Variants in ZNF483 observed in about 807,000 individuals in gnomAD.
ZNF483 encodes the protein zinc finger protein HIT-10.
A neutral mutation model predicts 28.6 loss-of-function variants in ZNF483; 9 were observed. That is an observed-to-expected ratio of 0.32 (90% CI 0.19 to 0.55). The LOEUF (loss-of-function observed/expected upper bound fraction) is 0.55. Ranked by LOEUF, ZNF483 falls within the 20% of genes least tolerant of loss-of-function variation. The pLI is 0.93. For synonymous variants in ZNF483, 322 were observed against 306.2 expected, an observed-to-expected ratio of 1.05 and a Z score of -0.54; for missense variants, 675 against 871.7, an observed-to-expected ratio of 0.77 and a Z score of 2.84.
At chr9:111,560,282 C>T (rs1219481565), downstream of ZNF483, among the ~76,000 whole-genome samples, 1 of 151,638 alleles carries the variant, frequency 6.6e-6, no homozygotes, top group Non-Finnish European at 1.5e-5. Context: ...AGATCGAGAC[C>T]ATCCTGGCCA....
chr9:111,544,277 C>T lies in ZNF483; in HGVS notation c.*1107C>T, dbSNP rs143270780. 4.8e-5 allele frequency: 47 copies of T among 985,096 alleles called. No homozygotes were observed. In the African/African-American group the frequency reaches 7.5e-4, roughly 16 times the overall value. 61.0% of individuals were successfully genotyped at this position (985,096 alleles called of 1,614,324 possible). On this transcript the variant is annotated 3_prime_UTR_variant, in exon 6 of 6. Transcript: ENST00000309235. ...TGCCTGTAGCAAGTACATTTTTTTGCAATTGGAGTGTAAACATTCTGTGTG... is the reference window on the plus strand; with the variant it reads ...TGCCTGTAGCAAGTACATTTTTTTGTAATTGGAGTGTAAACATTCTGTGTG...
intron 5 of ZNF483, among the ~76,000 whole-genome samples, chr9:111,561,521 CA>C (rs1252132593): frequency 1.3e-5 from 2 of 152,172 alleles, no homozygotes; most frequent in African/African-American, 4.8e-5. Flanking sequence ...CTTAGCCTCC[CA>C]AAGAGCTGGG....
At chr9:111,571,552 C>T (rs1417799046) in intron 5 of ZNF483, among the ~76,000 whole-genome samples, 2 of 133,316 alleles carry the variant, frequency 1.5e-5, no homozygotes, top group East Asian at 3.3e-4. Flanking sequence ...CATCACTGCT[C>T]AATGCAGCCT....
intron 5 of ZNF483, among the ~76,000 whole-genome samples, chr9:111,537,433 G>A (rs944050314): frequency 1.3e-5 from 2 of 151,886 alleles, no homozygotes; most frequent in Non-Finnish European, 2.9e-5. Flanking sequence ...TGTTGATCTC[G>A]AGCTCCTGAC....
chr9:111,570,512 T>C (rs1438154435), intron 5 of ZNF483, among the ~76,000 whole-genome samples: 2 of 152,038 alleles, frequency 1.3e-5, no homozygotes, highest in Non-Finnish European at 2.9e-5. Flanking sequence ...GGCTCACACC[T>C]GTAATCCCAG....
chr9:111,560,058 G>A (rs771543766), downstream of ZNF483, among the ~76,000 whole-genome samples: 1 of 151,968 alleles, frequency 6.6e-6, no homozygotes, highest in Admixed American at 6.6e-5. Flanking sequence ...TCTTCTGGCC[G>A]GGCATGGTGG....
In ZNF483 at chr9:111,544,225, T is replaced by TG; in HGVS notation, c.*1056dup. The TG allele has an allele frequency of 2.0e-6, 2 of 985,428 alleles. No individual in the cohort carries two copies. The highest frequency in any genetic ancestry group is 2.4e-6 in the Non-Finnish European group (2 of 829,946). The allele number at this position is 985,428 out of a possible 1,614,324, so 61.0% of individuals were successfully genotyped here. A position where few individuals can be genotyped will look rare whatever the true frequency, so the allele number is the denominator to read the frequency against. ...GAGCTATTCTGGATGGATTTTGGTT[T>TG]GCAAAAATTCTACTTTAAAACAATT... On this transcript the variant is annotated 3_prime_UTR_variant, in exon 6 of 6. Transcript: ENST00000309235.
At chr9:111,565,945 C>T (rs1257126428) in intron 5 of ZNF483, among the ~76,000 whole-genome samples, 1 of 152,144 alleles carries the variant, frequency 6.6e-6, no homozygotes, top group Admixed American at 6.5e-5. Context: ...GGCGCGGTGG[C>T]TCACACGTAT....
At chr9:111,535,322 A>C (rs1295000584) in intron 5 of ZNF483, among the ~76,000 whole-genome samples, 1 of 152,260 alleles carries the variant, frequency 6.6e-6, no homozygotes, top group Non-Finnish European at 1.5e-5. Context: ...AAGCACATGT[A>C]TAAGGAGCTG....
intron 2 of ZNF483, among the ~76,000 whole-genome samples, chr9:111,530,040 G>C (rs540321710): frequency 6.6e-6 from 1 of 152,284 alleles, no homozygotes; most frequent in Admixed American, 6.5e-5. Flanking sequence ...AAAGTCCTTA[G>C]ATAACCCTGG....
chr9:111,557,315 A>C (rs1828152646), downstream of ZNF483, among the ~76,000 whole-genome samples: 1 of 151,872 alleles, frequency 6.6e-6, no homozygotes, highest in African/African-American at 2.4e-5. Context: ...CAGAGGTTGC[A>C]GTGAGCCGAG....
intron 5 of ZNF483, chr9:111,574,627 A>G: frequency 1.4e-6 from 1 of 721,954 alleles, no homozygotes; most frequent in Admixed American, 2.9e-5. Context: ...AAAAGAATAT[A>G]TGAAAATCTT....
Position 111,546,394 on chromosome 9 carries a change from G to A in ZNF483, c.*3224G>A, listed in dbSNP as rs1030013974. Among the ~76,000 whole-genome samples the A allele has an allele frequency of 3.3e-5, 5 of 152,154 alleles. No homozygotes were observed. The highest frequency in any genetic ancestry group is 3.2e-3 in the Middle Eastern group (1 of 316). The stretch of plus-strand genomic sequence containing the variant: ...AGTCTTGATTTCAGTAGTTAAGTCT[G>A]TATAATTGCCTGCAGGACATTCAGT... On this transcript the variant is annotated 3_prime_UTR_variant, in exon 6 of 6. Transcript: ENST00000309235.
At position 111,554,565 on chromosome 9, in the gene ZNF483, G is replaced by GTT. The variant is rs558612062; in HGVS notation, c.*11398_*11399dup. On this transcript the variant is annotated 3_prime_UTR_variant, in exon 6 of 6. Transcript: ENST00000309235. ...TAGTACCAAACCCTGTATGTTCTAT[G>GTT]TTTTGTCAGTCTGATAACCCAAGAA... 1.7e-3 allele frequency among the ~76,000 whole-genome samples: 262 copies of GTT among 152,258 alleles called. No individual in the cohort carries two copies. The highest frequency in any genetic ancestry group is 6.0e-3 in the African/African-American group (250 of 41,542).
chr9:111,528,137 G>A, intron 2 of ZNF483: 3 of 1,027,828 alleles, frequency 2.9e-6, no homozygotes, highest in South Asian at 3.7e-5. Flanking sequence ...ATCTGTGAAA[G>A]TGTTTGGAGT....
At chr9:111,530,124 C>G (rs545790248) in intron 2 of ZNF483, among the ~76,000 whole-genome samples, 2 of 152,158 alleles carry the variant, frequency 1.3e-5, no homozygotes, top group East Asian at 3.9e-4. Flanking sequence ...CTCCACCCCC[C>G]AACCTGTCAA....
chr9:111,569,553 G>A (rs1020037600), intron 5 of ZNF483, among the ~76,000 whole-genome samples: 15 of 152,054 alleles, frequency 9.9e-5, no homozygotes, highest in Non-Finnish European at 1.9e-4. Context: ...TGAGGCGGGC[G>A]CATCACTTGA....
intron 5 of ZNF483, among the ~76,000 whole-genome samples, chr9:111,568,442 G>A (rs760911537): frequency 4.6e-5 from 7 of 152,186 alleles, no homozygotes; most frequent in Admixed American, 2.0e-4. Context: ...CTCTGCTTTC[G>A]AACCCTGTTT....
intron 5 of ZNF483, among the ~76,000 whole-genome samples, chr9:111,567,734 C>T (rs777549756): frequency 2.0e-5 from 3 of 152,060 alleles, no homozygotes; most frequent in Non-Finnish European, 4.4e-5. Flanking sequence ...CTTAACAGAT[C>T]GCTATGGCCA....
Sources: gnomAD v4.1 joint callset for allele counts (sites outside exome capture counted in the v4.1 genomes callset) on GRCh38, gnomAD v4.1.1 for gene constraint, MANE v1.5 for transcripts, NCBI Gene and HGNC (gene_info 2026-07-23, HGNC 2026-07-21) for gene names.